The following AGBL4 variants were observed in gnomAD, a reference collection of about 807,000 sequenced individuals.
The protein encoded by AGBL4 is cytosolic carboxypeptidase 6.
In AGBL4, 58 loss-of-function variants were observed where a neutral mutation model predicts 66.4. The observed-to-expected ratio is 0.87, with a 90% CI of 0.71 to 1.09. The LOEUF is 1.09. AGBL4 is among the 50% of genes least tolerant of loss of function. AGBL4 has a pLI of 0.00. For synonymous variants in AGBL4, 234 were observed against 222.9 expected (o/e 1.05, Z -0.44); for missense variants, 579 against 631.0 (o/e 0.92, Z 0.88).
intron 8 of AGBL4, among the ~76,000 whole-genome samples, chr1:48,640,117 ATG>A (rs370854114): frequency 9.2e-5 from 14 of 152,292 alleles, no homozygotes; most frequent in Middle Eastern, 3.4e-3. Context: ...ATCAAGACCT[ATG>A]TTCTGACAAG....
chr1:49,630,660 C>G (rs1440888509), intron 3 of AGBL4, among the ~76,000 whole-genome samples: 4 of 152,180 alleles, frequency 2.6e-5, no homozygotes, highest in Non-Finnish European at 5.9e-5. Flanking sequence ...TCTCCTGGCT[C>G]CTGGCAGATA....
intron 7 of AGBL4, among the ~76,000 whole-genome samples, chr1:48,661,620 C>G (rs1646108858): frequency 6.6e-6 from 1 of 152,178 alleles, no homozygotes; most frequent in African/African-American, 2.4e-5. Flanking sequence ...CTTTTAGTAA[C>G]AGGGTCTTCA....
At chr1:48,797,937 C>T (rs1476782174) in intron 6 of AGBL4, among the ~76,000 whole-genome samples, 2 of 152,160 alleles carry the variant, frequency 1.3e-5, no homozygotes, top group Non-Finnish European at 2.9e-5. Flanking sequence ...CTGCTATAAA[C>T]GTGTGTGCAA....
chr1:48,922,934 T>C (rs1020424815), intron 5 of AGBL4, among the ~76,000 whole-genome samples: 6 of 151,266 alleles, frequency 4.0e-5, no homozygotes, highest in East Asian at 1.9e-4. Flanking sequence ...TATATATATA[T>C]ACATACATAT....
chr1:48,539,010 T>C (rs893603095), intron 12 of AGBL4, among the ~76,000 whole-genome samples: 4 of 152,206 alleles, frequency 2.6e-5, no homozygotes, highest in African/African-American at 9.6e-5. Flanking sequence ...GTCATGGAAG[T>C]GCCCAGTGCT....
At chr1:49,152,780 A>C (rs1364267762) in intron 4 of AGBL4, among the ~76,000 whole-genome samples, 3 of 152,260 alleles carry the variant, frequency 2.0e-5, no homozygotes, top group African/African-American at 7.2e-5. Flanking sequence ...TATGCCAAGA[A>C]GCTACCTGGG....
At chr1:49,891,321 T>C (rs1166714526) in intron 1 of AGBL4, among the ~76,000 whole-genome samples, 1 of 152,162 alleles carries the variant, frequency 6.6e-6, no homozygotes, top group Non-Finnish European at 1.5e-5. Context: ...GGAATGAAGA[T>C]GTGTAAGGAA....
At chr1:49,114,791 C>T (rs1645482207) in intron 4 of AGBL4, among the ~76,000 whole-genome samples, 1 of 152,114 alleles carries the variant, frequency 6.6e-6, no homozygotes, top group African/African-American at 2.4e-5. Flanking sequence ...ATCAGTGGAG[C>T]TTTCAGAACA....
intron 1 of AGBL4, among the ~76,000 whole-genome samples, chr1:49,920,284 C>A (rs1404122092): frequency 1.3e-5 from 2 of 152,128 alleles, no homozygotes; most frequent in African/African-American, 4.8e-5. Context: ...AAAGAAACTA[C>A]CATCAGAGTA....
intron 5 of AGBL4, among the ~76,000 whole-genome samples, chr1:49,010,468 A>G (rs1662303747): frequency 7.1e-6 from 1 of 140,242 alleles, no homozygotes; most frequent in South Asian, 2.4e-4. Context: ...GGTAATTTAC[A>G]GATTCAATGC....
At chr1:48,732,245 T>G (rs1364665078) in intron 6 of AGBL4, among the ~76,000 whole-genome samples, 1 of 150,488 alleles carries the variant, frequency 6.6e-6, no homozygotes, top group African/African-American at 2.4e-5. Context: ...GAGAGAGAAG[T>G]GAGCAGTGCA....
chr1:48,529,696 T>C (rs976758139), downstream of AGBL4, among the ~76,000 whole-genome samples: 4 of 152,058 alleles, frequency 2.6e-5, no homozygotes, highest in African/African-American at 9.7e-5. Flanking sequence ...ATGAGGGACA[T>C]AGTAGGCTTA....
At chr1:49,115,540 A>G (rs939974422) in intron 4 of AGBL4, among the ~76,000 whole-genome samples, 1 of 152,082 alleles carries the variant, frequency 6.6e-6, no homozygotes, top group African/African-American at 2.4e-5. Flanking sequence ...ATCTACTCCA[A>G]TTTGGTCAAT....
chr1:49,980,130 G>A (rs1015983912), intron 1 of AGBL4, among the ~76,000 whole-genome samples: 2 of 152,112 alleles, frequency 1.3e-5, no homozygotes, highest in Non-Finnish European at 2.9e-5. Context: ...AGTAGGCTAT[G>A]AGTAAAGTTT....
chr1:50,012,277 G>A (rs1056884271), intron 1 of AGBL4, among the ~76,000 whole-genome samples: 7 of 151,730 alleles, frequency 4.6e-5, no homozygotes, highest in Non-Finnish European at 1.0e-4. Flanking sequence ...CACAAGACCT[G>A]CTATCGTGAT....
At chr1:48,573,125 C>A (rs1286818679) in intron 11 of AGBL4, among the ~76,000 whole-genome samples, 2 of 152,176 alleles carry the variant, frequency 1.3e-5, no homozygotes, top group African/African-American at 4.8e-5. Context: ...TCTTTCTGTC[C>A]AATAGAGCAA....
At chr1:48,789,290 A>AT (rs200014465) in intron 6 of AGBL4, among the ~76,000 whole-genome samples, 8,900 of 62,682 alleles carry the variant, frequency 0.14, 322 homozygotes, top group East Asian at 0.39. Context: ...ATATATATAT[A>AT]TATATTTTTT....
At chr1:49,918,541 A>C (rs1651832961) in intron 1 of AGBL4, among the ~76,000 whole-genome samples, 2 of 151,594 alleles carry the variant, frequency 1.3e-5, no homozygotes, top group Non-Finnish European at 1.5e-5. Flanking sequence ...ACCAGGAAGA[A>C]GTTGAATCCC....
intron 3 of AGBL4, among the ~76,000 whole-genome samples, chr1:49,674,500 T>A (rs1646541894): frequency 6.8e-6 from 1 of 148,076 alleles, no homozygotes; most frequent in African/African-American, 2.5e-5. Context: ...GATATAAATA[T>A]ATAATTATAT....
Sources: gnomAD v4.1 joint callset for allele counts (sites outside exome capture counted in the v4.1 genomes callset) on GRCh38, gnomAD v4.1.1 for gene constraint, MANE v1.5 for transcripts, NCBI Gene and HGNC (gene_info 2026-07-23, HGNC 2026-07-21) for gene names.